The following VSTM4 variants were observed in gnomAD, a reference collection of about 807,000 sequenced individuals.
The protein encoded by VSTM4 is V-set and transmembrane domain containing 4.
A neutral mutation model predicts 36.4 loss-of-function variants in VSTM4; 20 were observed. The ratio of observed to expected loss-of-function variants is 0.55; its 90% CI spans 0.39 to 0.80. VSTM4 has a LOEUF of 0.80. VSTM4 is among the 30% of genes least tolerant of loss of function. The probability of loss-of-function intolerance (pLI) is 0.00; values close to 1 mark genes in which losing one functional copy is unlikely to be tolerated. For missense variants in VSTM4, 392 were observed against 404.5 expected (o/e 0.97, Z 0.26); for synonymous variants, 182 against 173.9 (o/e 1.05, Z -0.37).
At chr10:49,114,669 G>T (rs919245165) in intron 1 of VSTM4, among the ~76,000 whole-genome samples, 1 of 151,866 alleles carries the variant, frequency 6.6e-6, no homozygotes, top group East Asian at 1.9e-4. Context: ...GATAGGCCCA[G>T]ATAGGCACCC....
intron 2 of VSTM4, among the ~76,000 whole-genome samples, chr10:49,088,349 G>T (rs1844410576): frequency 6.6e-6 from 1 of 152,160 alleles, no homozygotes. Flanking sequence ...CCAGGAAGGA[G>T]CTCTTAGTGA....
intron 3 of VSTM4, among the ~76,000 whole-genome samples, chr10:49,082,394 T>C (rs1162116681): frequency 2.0e-5 from 3 of 152,260 alleles, no homozygotes; most frequent in Admixed American, 2.0e-4. Context: ...TCAGGCATGG[T>C]GGCTCATGCC....
At chr10:49,030,320 C>T (rs1028335246) in intron 7 of VSTM4, among the ~76,000 whole-genome samples, 1 of 152,216 alleles carries the variant, frequency 6.6e-6, no homozygotes. Context: ...ACTCCCAAAT[C>T]CAGCATTCTG....
intron 1 of VSTM4, among the ~76,000 whole-genome samples, chr10:49,112,603 T>A (rs956021373): frequency 2.6e-5 from 4 of 152,226 alleles, no homozygotes; most frequent in Non-Finnish European, 5.9e-5. Flanking sequence ...GAAAGTGACA[T>A]GCACACTGTC....
At chr10:49,040,487 T>C (rs575852671) in intron 7 of VSTM4, among the ~76,000 whole-genome samples, 2 of 152,244 alleles carry the variant, frequency 1.3e-5, no homozygotes, top group Non-Finnish European at 2.9e-5. Context: ...GGTTTCACGA[T>C]ATTGGCCGGG....
chr10:49,101,742 C>T (rs1379017704), intron 2 of VSTM4, among the ~76,000 whole-genome samples: 3 of 152,138 alleles, frequency 2.0e-5, no homozygotes, highest in African/African-American at 7.2e-5. Flanking sequence ...ATTCCCTTTC[C>T]AGGAATCTAA....
chr10:49,039,798 C>A (rs933367437), intron 7 of VSTM4, among the ~76,000 whole-genome samples: 1 of 152,174 alleles, frequency 6.6e-6, no homozygotes, highest in African/African-American at 2.4e-5. Context: ...CTGTGTCCTG[C>A]GGCTGTTTTT....
chr10:49,100,042 G>A (rs1044401676), intron 2 of VSTM4, among the ~76,000 whole-genome samples: 1 of 151,986 alleles, frequency 6.6e-6, no homozygotes, highest in Non-Finnish European at 1.5e-5. Context: ...GAAAAAGGAA[G>A]GAAAAGGAAA....
chr10:49,087,540 T>C (rs1158805569), intron 2 of VSTM4, among the ~76,000 whole-genome samples: 1 of 152,194 alleles, frequency 6.6e-6, no homozygotes, highest in Non-Finnish European at 1.5e-5. Flanking sequence ...GGGTTTGAAC[T>C]GTTGAGAGGC....
intron 2 of VSTM4, among the ~76,000 whole-genome samples, chr10:49,095,235 A>G (rs767929288): frequency 2.0e-5 from 3 of 152,100 alleles, no homozygotes; most frequent in Admixed American, 2.0e-4. Flanking sequence ...TACACACACA[A>G]GTCCAGGATA....
intron 1 of VSTM4, among the ~76,000 whole-genome samples, chr10:49,108,573 A>C (rs534519522): frequency 6.6e-6 from 1 of 152,210 alleles, no homozygotes; most frequent in Non-Finnish European, 1.5e-5. Context: ...GCAGATGAGT[A>C]GTAAGGTCGG....
At chr10:49,100,605 G>A (rs1448314990) in intron 2 of VSTM4, among the ~76,000 whole-genome samples, 1 of 151,786 alleles carries the variant, frequency 6.6e-6, no homozygotes, top group Non-Finnish European at 1.5e-5. Flanking sequence ...CTGACTACAT[G>A]AAGGAATACA....
intron 2 of VSTM4, among the ~76,000 whole-genome samples, chr10:49,099,179 C>T (rs1844624116): frequency 6.6e-6 from 1 of 152,120 alleles, no homozygotes; most frequent in African/African-American, 2.4e-5. Context: ...GGCTCCAGGT[C>T]GATTTGTATG....
At chr10:49,101,608 TA>T (rs1844667197) in intron 2 of VSTM4, among the ~76,000 whole-genome samples, 1 of 152,250 alleles carries the variant, frequency 6.6e-6, no homozygotes, top group African/African-American at 2.4e-5. Flanking sequence ...TATTGATTGT[TA>T]AAGAGGCTTC....
intron 7 of VSTM4, among the ~76,000 whole-genome samples, chr10:49,035,029 G>T (rs1385269632): frequency 6.6e-6 from 1 of 152,234 alleles, no homozygotes; most frequent in Admixed American, 6.5e-5. Flanking sequence ...CTACTGCTCT[G>T]CAGGGAGGGA....
chr10:49,048,574 T>A lies in VSTM4; in HGVS notation c.679A>T (p.Thr227Ser). Residue 227 changes from threonine (T) to serine (S), a missense_variant, in exon 6 of 8, where the codon ACT becomes TCT. By Grantham distance (58) the Thr-to-Ser change is moderately conservative (BLOSUM62 1). Transcript: ENST00000332853. ...VKCPQNSSGETVTSVTSLAPL... is the reference protein window; with the variant it reads ...VKCPQNSSGESVTSVTSLAPL... ...GCCAAGCTGGTCACGCTAGTGACAG[T>A]CTCCCCTGAGCTGTAGAAGAAAAAG... The A allele has an allele frequency of 6.3e-7, 1 of 1,587,754 alleles. No homozygotes were observed. Among genetic ancestry groups the A allele is most frequent in the Non-Finnish European group, 8.5e-7 (1 of 1,171,408 alleles).
At chr10:49,037,208 T>C (rs1238630178) in intron 7 of VSTM4, among the ~76,000 whole-genome samples, 1 of 152,198 alleles carries the variant, frequency 6.6e-6, no homozygotes, top group Admixed American at 6.5e-5. Context: ...AGCAGAGTCC[T>C]CTCTGGAGGT....
intron 2 of VSTM4, among the ~76,000 whole-genome samples, chr10:49,093,200 C>G (rs1181487974): frequency 6.6e-6 from 1 of 152,120 alleles, no homozygotes; most frequent in Non-Finnish European, 1.5e-5. Context: ...AGAGAGCACC[C>G]CATAACACAT....
At chr10:49,069,492 G>T (rs553984734) in intron 4 of VSTM4, among the ~76,000 whole-genome samples, 1 of 152,198 alleles carries the variant, frequency 6.6e-6, no homozygotes, top group African/African-American at 2.4e-5. Context: ...CACAGGCTGG[G>T]AGCCCTGCAG....
Sources: allele counts gnomAD v4.1 joint callset (sites outside exome capture counted in the v4.1 genomes callset), GRCh38; gene constraint gnomAD v4.1.1; transcripts MANE v1.5; gene names NCBI Gene and HGNC (gene_info 2026-07-23, HGNC 2026-07-21).